Variants in PCDHA6 observed in about 807,000 individuals in gnomAD.
PCDHA6 encodes the protein protocadherin alpha 6, also known as protocadherin alpha-6.
In PCDHA6, 55 loss-of-function variants were observed where a neutral mutation model predicts 60.3. The ratio of observed to expected loss-of-function variants is 0.91; its 90% CI spans 0.73 to 1.14. The LOEUF (loss-of-function observed/expected upper bound fraction) is 1.14. Ranked by LOEUF, PCDHA6 falls within the 50% of genes most tolerant of loss-of-function variation. PCDHA6 has a pLI of 0.00. For synonymous variants in PCDHA6, 652 were observed against 557.9 expected, an observed-to-expected ratio of 1.17 and a Z score of -2.38; for missense variants, 1,327 against 1,256.5, an observed-to-expected ratio of 1.06 and a Z score of -0.85.
At chr5:140,937,329 G>T (rs1406340473) in intron 1 of PCDHA6, among the ~76,000 whole-genome samples, 1 of 152,050 alleles carries the variant, frequency 6.6e-6, no homozygotes, top group Admixed American at 6.5e-5. Flanking sequence ...GAGCCACCGC[G>T]CCCGGCTTCT....
chr5:140,842,854 C>T, intron 1 of PCDHA6: 1 of 1,594,004 alleles, frequency 6.3e-7, no homozygotes, highest in South Asian at 1.1e-5. Context: ...TTTCGGTGCA[C>T]ACGGAGAGCG....
rs375261398 is a variant in PCDHA6 at position 140,910,786 on chromosome 5, A to G, written c.2395-68163A>G. On this transcript the variant is annotated intron_variant, in intron 1 of 3. Transcript: ENST00000529310. ...TAAACTCCCCAAGCTGCAACATTAA[A>G]TGCAGAATCCCTGCTTAGTGGGCCC... is the stretch of plus-strand genomic sequence containing the variant. 2.6e-3 allele frequency among the ~76,000 whole-genome samples: 391 copies of G among 152,326 alleles called. 2 individuals are homozygous for G. Among genetic ancestry groups the G allele is most frequent in the African/African-American group, 9.1e-3 (380 of 41,560 alleles).
At chr5:140,959,611 C>T (rs2095501064) in intron 1 of PCDHA6, among the ~76,000 whole-genome samples, 1 of 151,848 alleles carries the variant, frequency 6.6e-6, no homozygotes, top group Non-Finnish European at 1.5e-5. Context: ...GCTTTTCTTG[C>T]TTGTGATAGA....
At chr5:140,964,802 GA>G (rs1187447949) in intron 1 of PCDHA6, among the ~76,000 whole-genome samples, 2 of 151,946 alleles carry the variant, frequency 1.3e-5, no homozygotes, top group African/African-American at 4.8e-5. Context: ...CCCAAGAAAG[GA>G]GACAGGAATA....
At chr5:140,967,406 G>A in intron 1 of PCDHA6, 1 of 1,613,006 alleles carries the variant, frequency 6.2e-7, no homozygotes, top group Non-Finnish European at 8.5e-7. Flanking sequence ...GCTGCGTAAG[G>A]GCCTAGACCG....
chr5:140,883,394 G>T, intron 1 of PCDHA6: 2 of 1,614,124 alleles, frequency 1.2e-6, no homozygotes, highest in South Asian at 2.2e-5. Context: ...CAGTGTGTCC[G>T]ATCGTGACTC....
chr5:140,917,585 T>C (rs1204000344), intron 1 of PCDHA6, among the ~76,000 whole-genome samples: 1 of 152,244 alleles, frequency 6.6e-6, no homozygotes, highest in Non-Finnish European at 1.5e-5. Context: ...TTTTTGTTCA[T>C]GCTGAAAGGA....
intron 1 of PCDHA6, among the ~76,000 whole-genome samples, chr5:140,873,723 CAA>C (rs1554166874): frequency 6.6e-6 from 1 of 152,158 alleles, no homozygotes; most frequent in Non-Finnish European, 1.5e-5. Context: ...TGCAGTGGCG[CAA>C]TCTCAGCTCA....
At chr5:140,833,704 G>A (rs181961427) in intron 1 of PCDHA6, among the ~76,000 whole-genome samples, 1 of 152,174 alleles carries the variant, frequency 6.6e-6, no homozygotes, top group East Asian at 1.9e-4. Context: ...GTTTTCCCAA[G>A]AGAAGTGTCT....
rs941007574 is a variant in PCDHA6 at position 141,010,090 on chromosome 5, C to G, written c.*153C>G. ...AAGTTCCCTGTGTCTGTCTAGAACG[C>G]ATTTAACAGGTTTTGTCGTAAAAGC... On this transcript the variant is annotated 3_prime_UTR_variant, in exon 4 of 4. Transcript: ENST00000529310. 1.5e-5 allele frequency: 24 copies of G among 1,612,636 alleles called. No homozygotes were observed. Among genetic ancestry groups the G allele is most frequent in the Non-Finnish European group, 2.0e-5 (24 of 1,179,276 alleles).
At chr5:140,964,473 T>G (rs1457345251) in intron 1 of PCDHA6, among the ~76,000 whole-genome samples, 13 of 152,068 alleles carry the variant, frequency 8.5e-5, no homozygotes, top group African/African-American at 3.1e-4. Flanking sequence ...TGCCTATGAT[T>G]TTTTCACAGT....
chr5:140,838,779 A>C lies in PCDHA6; in HGVS notation c.2394+8294A>C, dbSNP rs1039097840. Among the ~76,000 whole-genome samples the C allele has an allele frequency of 1.8e-4, 28 of 152,056 alleles. 1 individual carries two copies. The highest frequency in any genetic ancestry group is 1.5e-3 in the Admixed American group (23 of 15,270). ...TTGTAGAGACTTTGTAAAATTAGCT[A>C]TGCATGGTGATGCATGTCTGTAGTT... is the stretch of plus-strand genomic sequence containing the variant. On this transcript the variant is annotated intron_variant, in intron 1 of 3. Coordinates refer to ENST00000529310, the MANE Select transcript of PCDHA6 (RefSeq NM_018909.4).
At chr5:140,896,022 GC>G (rs2065315462) in intron 1 of PCDHA6, among the ~76,000 whole-genome samples, 3 of 152,138 alleles carry the variant, frequency 2.0e-5, no homozygotes, top group Admixed American at 1.3e-4. Context: ...TGTTGGCCAG[GC>G]TGGTCTCGAA....
chr5:140,830,162 G>T lies in PCDHA6; in HGVS notation c.2071G>T (p.Ala691Ser), dbSNP rs1554132602. 6.2e-7 allele frequency: 1 copy of T among 1,613,386 alleles called. No homozygotes were observed. The highest frequency in any genetic ancestry group is 2.2e-5 in the East Asian group (1 of 44,854). ...RASVGAAGPEAALVDVNVYLI... is the reference protein window; with the variant it reads ...RASVGAAGPESALVDVNVYLI... ...GTCGGTGGGCGCCGCGGGCCCAGAG[G>T]CGGCGCTGGTGGATGTCAACGTGTA... The change falls in exon 1 of 4, where the codon GCG becomes TCG. Residue 691 changes from alanine (A) to serine (S), a missense_variant. Coordinates refer to ENST00000529310, the MANE Select transcript of PCDHA6 (RefSeq NM_018909.4).
chr5:140,883,449 C>G lies in PCDHA6; in HGVS notation c.2394+52964C>G, dbSNP rs782030208. The G allele has an allele frequency of 6.8e-6, 11 of 1,614,058 alleles. No homozygotes were observed. The Admixed American group carries it at 1.8e-4, about 27-fold the overall frequency. On this transcript the variant is annotated intron_variant, in intron 1 of 3. Coordinates refer to ENST00000529310, the MANE Select transcript of PCDHA6 (RefSeq NM_018909.4). Reference sequence around the variant, plus strand: ...ACCTGCACCTTGACGCCGCATGTCCCCTTCAAGCTGGTGTCCACCTACAAG... The same window carrying G: ...ACCTGCACCTTGACGCCGCATGTCCGCTTCAAGCTGGTGTCCACCTACAAG...
chr5:140,967,228 G>A (rs1316363900), intron 1 of PCDHA6: 3 of 1,613,652 alleles, frequency 1.9e-6, no homozygotes, highest in Non-Finnish European at 2.5e-6. Flanking sequence ...CCAACTACCA[G>A]CTTCAGGTAA....
intron 1 of PCDHA6, among the ~76,000 whole-genome samples, chr5:140,889,913 T>C (rs1287325026): frequency 6.6e-6 from 1 of 152,172 alleles, no homozygotes; most frequent in Admixed American, 6.5e-5. Context: ...ATTGTCATAC[T>C]GTAAAGAAGC....
intron 1 of PCDHA6, among the ~76,000 whole-genome samples, chr5:140,846,775 G>A (rs1476675003): frequency 6.7e-6 from 1 of 149,304 alleles, no homozygotes; most frequent in East Asian, 1.9e-4. Context: ...ATCATGTCAG[G>A]AATTATTACT....
intron 1 of PCDHA6, among the ~76,000 whole-genome samples, chr5:140,964,913 A>G (rs1254329232): frequency 6.6e-6 from 1 of 152,202 alleles, no homozygotes; most frequent in African/African-American, 2.4e-5. Context: ...CTCTGGAATA[A>G]CACTGGCTAG....
Sources: gnomAD v4.1 joint callset for allele counts (sites outside exome capture counted in the v4.1 genomes callset) on GRCh38, gnomAD v4.1.1 for gene constraint, MANE v1.5 for transcripts, NCBI Gene and HGNC (gene_info 2026-07-23, HGNC 2026-07-21) for gene names.